The following THAP5 variants were observed in gnomAD, a reference collection of about 807,000 sequenced individuals.
THAP5 encodes THAP domain containing 5.
Under a neutral mutation model 34.0 loss-of-function variants are expected in THAP5, and 26 were observed. That is an observed-to-expected ratio of 0.77 (90% CI 0.56 to 1.06). The LOEUF is 1.06. THAP5 is among the 50% of genes least tolerant of loss of function. The pLI is 0.00. For missense variants in THAP5, 394 were observed against 452.8 expected, an observed-to-expected ratio of 0.87 and a Z score of 1.18; for synonymous variants, 125 against 153.0, an observed-to-expected ratio of 0.82 and a Z score of 1.35.
At chr7:108,557,507 C>T (rs563278215), downstream of THAP5, among the ~76,000 whole-genome samples, 75 of 152,310 alleles carry the variant, frequency 4.9e-4, no homozygotes, top group African/African-American at 1.5e-3. Context: ...CTTCAAAGGT[C>T]GACAGATCCC....
chr7:108,542,461 T>C, the THAP5 span, among the ~76,000 whole-genome samples: 1 of 152,150 alleles, frequency 6.6e-6, no homozygotes, highest in South Asian at 2.1e-4. Flanking sequence ...TTTTTTTTGT[T>C]TGTTTTGTTT....
chr7:108,544,298 G>A, the THAP5 span, among the ~76,000 whole-genome samples: 3 of 151,914 alleles, frequency 2.0e-5, no homozygotes, highest in African/African-American at 4.8e-5. Flanking sequence ...AGGCCGAGGC[G>A]GGTGGATCAC....
At chr7:108,566,068 A>G (rs1041537626) in intron 1 of THAP5, 46 bp from the exon 2 acceptor site, 29 of 1,465,002 alleles carry the variant, frequency 2.0e-5, no homozygotes, top group African/African-American at 4.3e-5. Context: ...ACTTTGCTAT[A>G]TTTTTACAAT....
downstream of THAP5, among the ~76,000 whole-genome samples, chr7:108,558,471 C>T (rs930184123): frequency 1.4e-5 from 2 of 146,942 alleles, no homozygotes; most frequent in African/African-American, 5.1e-5. Context: ...AATCTCGGCT[C>T]AGTGCAACCT....
At chr7:108,553,733 A>AT (rs1482360041), downstream of THAP5, among the ~76,000 whole-genome samples, 1 of 152,148 alleles carries the variant, frequency 6.6e-6, no homozygotes, top group Non-Finnish European at 1.5e-5. Flanking sequence ...CTTGCTGAGG[A>AT]TTGCCAGAAG....
downstream of THAP5, among the ~76,000 whole-genome samples, chr7:108,552,456 GT>G (rs951222028): frequency 2.6e-5 from 4 of 152,128 alleles, no homozygotes; most frequent in African/African-American, 9.7e-5. Context: ...CCAAAATGTT[GT>G]TGTGTTTGCT....
downstream of THAP5, among the ~76,000 whole-genome samples, chr7:108,550,552 G>A (rs1350181300): frequency 3.3e-5 from 5 of 152,042 alleles, no homozygotes; most frequent in Admixed American, 6.5e-5. Context: ...TAGGACTAAT[G>A]TAACAAAATA....
chr7:108,549,089 TACACACACACAC>T, the THAP5 span, among the ~76,000 whole-genome samples: 21 of 136,544 alleles, frequency 1.5e-4, no homozygotes, highest in African/African-American at 4.4e-4. Context: ...ACATGCTTAA[TACACACACACAC>T]ACACACACAC....
rs1172734177 is a variant in THAP5, at chr7:108,563,042, TTTAAAA to T, written c.*1143_*1148del. 2 of 152,204 alleles carry T rather than the reference TTTAAAA, an allele frequency of 1.3e-5. No homozygotes were observed. The highest frequency in any genetic ancestry group is 1.3e-4 in the Admixed American group (2 of 15,282). The allele number at this position is 152,204 out of a possible 1,614,324, so 9.4% of individuals were successfully genotyped here. A position where few individuals can be genotyped will look rare whatever the true frequency, so the allele number is the denominator to read the frequency against. On this transcript the variant is annotated 3_prime_UTR_variant, in exon 3 of 3. Coordinates refer to ENST00000415914, the MANE Select transcript of THAP5 (RefSeq NM_001130475.3). ...TACAAACTGTAATTTCTAAAATATA[TTTAAAA>T]TTAACCTCATTAAAATTTTTGGTTT...
In THAP5 at chr7:108,569,602, G is replaced by C. The variant is rs1473122015; in HGVS notation, c.-33C>G. On this transcript the variant is annotated 5_prime_UTR_variant, in exon 1 of 3. Transcript: ENST00000415914. ...GTGAGGCCCCTGGAGACCGGGGCCG[G>C]CGACGGATGCAGGGCGGCCCTCCTC... is the stretch of plus-strand genomic sequence containing the variant. 1.3e-6 allele frequency: 2 copies of C among 1,549,228 alleles called. No homozygotes were observed. The highest frequency in any genetic ancestry group is 2.7e-5 in the African/African-American group (2 of 73,030).
downstream of THAP5, among the ~76,000 whole-genome samples, chr7:108,558,415 T>TATATATATATATATA (rs1554694595): frequency 2.5e-4 from 15 of 61,192 alleles, no homozygotes; most frequent in African/African-American, 4.0e-4. Context: ...ATATATATAT[T>TATATATATATATATA]TAGACAGAGT....
chr7:108,558,375 GTGTA>G (rs1235548759), downstream of THAP5, among the ~76,000 whole-genome samples: 31 of 51,914 alleles, frequency 6.0e-4, no homozygotes, highest in African/African-American at 3.5e-3. Flanking sequence ...ATATGTGTGT[GTGTA>G]TGTATATATA....
downstream of THAP5, among the ~76,000 whole-genome samples, chr7:108,558,781 T>C (rs537678082): frequency 1.3e-5 from 2 of 152,310 alleles, no homozygotes; most frequent in African/African-American, 4.8e-5. Flanking sequence ...GTGTGTTCAT[T>C]GATATAGCAT....
At chr7:108,550,830 T>C (rs975501027), downstream of THAP5, among the ~76,000 whole-genome samples, 5 of 152,230 alleles carry the variant, frequency 3.3e-5, no homozygotes. Context: ...TTAAAGGCCC[T>C]GTCTCCAAAT....
In THAP5 at chr7:108,564,512, T is replaced by C. The variant is rs1442211738; in HGVS notation, c.867A>G (p.Ile289Met). ...TTTCCGTGGTTTCTTTTTGTGCAGATATAAAAGAATTAACTGAGGGTTTAG... is the reference window on the plus strand; with the variant it reads ...TTTCCGTGGTTTCTTTTTGTGCAGACATAAAAGAATTAACTGAGGGTTTAG... Reference protein sequence around the residue: ...ENSKPSVNSFISAQKETTEME... With the variant: ...ENSKPSVNSFMSAQKETTEME... Residue 289 changes from isoleucine to methionine, a missense_variant, in exon 3 of 3, where the codon ATA becomes ATG. By Grantham distance (10) the Ile-to-Met change is conservative (BLOSUM62 1). Transcript: ENST00000415914. The C allele has an allele frequency of 1.2e-6, 2 of 1,613,940 alleles. No individual in the cohort carries two copies. The highest frequency in any genetic ancestry group is 1.7e-5 in the Admixed American group (1 of 60,018).
intron 1 of THAP5, among the ~76,000 whole-genome samples, chr7:108,567,673 A>AT (rs1790515241): frequency 6.6e-6 from 1 of 152,220 alleles, no homozygotes; most frequent in Admixed American, 6.5e-5. Context: ...ACTGGACACT[A>AT]TATTAACTGA....
chr7:108,568,343 T>TCA (rs1790531776), intron 1 of THAP5: 1 of 152,506 alleles, frequency 6.6e-6, no homozygotes, highest in Non-Finnish European at 1.5e-5. Context: ...GCAGCTGAGA[T>TCA]CACAGGCATG....
chr7:108,554,124 T>C (rs949157046), downstream of THAP5, among the ~76,000 whole-genome samples: 1 of 152,188 alleles, frequency 6.6e-6, no homozygotes, highest in African/African-American at 2.4e-5. Context: ...TCCTATCAGA[T>C]GCCAGTGCCT....
downstream of THAP5, among the ~76,000 whole-genome samples, chr7:108,552,373 G>A: frequency 6.6e-6 from 1 of 152,056 alleles, no homozygotes; most frequent in East Asian, 1.9e-4. Context: ...TTTACTTGTT[G>A]GCTTTCCTTC....
Sources: allele counts gnomAD v4.1 joint callset (sites outside exome capture counted in the v4.1 genomes callset), GRCh38; gene constraint gnomAD v4.1.1; transcripts MANE v1.5; gene names NCBI Gene and HGNC (gene_info 2026-07-23, HGNC 2026-07-21).